BMP5: variants seen among roughly 807,000 people sequenced by gnomAD.
The protein encoded by BMP5 is bone morphogenetic protein 5.
In BMP5, 23 loss-of-function variants were observed where a neutral mutation model predicts 46.6. That is an observed-to-expected ratio of 0.49 (90% confidence interval 0.35 to 0.70). The LOEUF (loss-of-function observed/expected upper bound fraction) is 0.70, where lower values mean the gene tolerates loss of function less well. Among genes scored for constraint, BMP5 ranks in the 30% least tolerant of loss-of-function variants. The probability of loss-of-function intolerance (pLI) is 0.00; values close to 1 mark genes in which losing one functional copy is unlikely to be tolerated. For missense variants in BMP5, 545 were observed against 565.6 expected, an observed-to-expected ratio of 0.96 and a Z score of 0.37; for synonymous variants, 204 against 191.9, an observed-to-expected ratio of 1.06 and a Z score of -0.52.
Position 55,819,600 on chromosome 6 carries a change from T to A in BMP5, c.683+55A>T. ...GATCACATGAGTTATCAATGGCTTT[T>A]ACTAAAATTTTACATATATTTGCCA... On this transcript the variant is annotated intron_variant, in intron 2 of 6. Coordinates refer to ENST00000370830, the MANE Select transcript of BMP5 (RefSeq NM_021073.4). The A allele has an allele frequency of 3.5e-6, 5 of 1,428,744 alleles. No homozygotes were observed. The South Asian group carries it at 5.9e-5, about 17-fold the overall frequency. The allele number at this position is 1,428,744 out of a possible 1,614,324, so 88.5% of individuals were successfully genotyped here. A position where few individuals can be genotyped will look rare whatever the true frequency, so the allele number is the denominator to read the frequency against.
chr6:55,833,281 A>T (rs530330627), intron 1 of BMP5, among the ~76,000 whole-genome samples: 2 of 152,318 alleles, frequency 1.3e-5, no homozygotes, highest in African/African-American at 4.8e-5. Context: ...TTGCTCTTGT[A>T]TAGAAACAGC....
rs144468584 is a variant in BMP5, at chr6:55,756,712, G to A, written c.1216-1030C>T. On this transcript the variant is annotated intron_variant, in intron 6 of 6. Coordinates refer to ENST00000370830, the MANE Select transcript of BMP5 (RefSeq NM_021073.4). ...AACAGCAGGAAAAATGAGGTGATCT[G>A]ACATGAACTTGAAATTTCCTAAGGC... 5.3e-3 allele frequency among the ~76,000 whole-genome samples: 802 copies of A among 152,004 alleles called. 6 individuals are homozygous for A. Among genetic ancestry groups the A allele is most frequent in the African/African-American group, 0.018 (765 of 41,500 alleles).
chr6:55,847,392 A>G (rs1036837595), intron 1 of BMP5, among the ~76,000 whole-genome samples: 2 of 151,948 alleles, frequency 1.3e-5, no homozygotes, highest in African/African-American at 4.8e-5. Context: ...CACTGTCTTG[A>G]AAACATCAAT....
chr6:55,852,859 C>T (rs1408185239), intron 1 of BMP5, among the ~76,000 whole-genome samples: 3 of 152,030 alleles, frequency 2.0e-5, no homozygotes, highest in East Asian at 1.9e-4. Context: ...TGGCCAGGCG[C>T]GGAGGCTCAC....
intron 2 of BMP5, among the ~76,000 whole-genome samples, chr6:55,818,033 C>T (rs1361711419): frequency 6.6e-6 from 1 of 152,050 alleles, no homozygotes; most frequent in Non-Finnish European, 1.5e-5. Context: ...TGAATGGCAC[C>T]CCCAGACTAA....
rs530469111 is a variant in BMP5, at chr6:55,796,731, A to G, written c.684-2304T>C. Among the ~76,000 whole-genome samples the G allele has an allele frequency of 8.5e-4, 118 of 138,124 alleles. 1 individual carries two copies. Among genetic ancestry groups the G allele is most frequent in the Admixed American group, 2.0e-3 (24 of 11,722 alleles). 90.6% of individuals were successfully genotyped at this position (138,124 alleles called of 152,430 possible). ...TGTTCTCATTGTTCAATTCTCACCT[A>G]TGAGTGAGAATATGCGGTGTTTGGT... On this transcript the variant is annotated intron_variant, in intron 2 of 6. Transcript: ENST00000370830.
intron 4 of BMP5, among the ~76,000 whole-genome samples, chr6:55,762,239 A>C (rs1236123348): frequency 6.6e-6 from 1 of 152,128 alleles, no homozygotes; most frequent in Non-Finnish European, 1.5e-5. Flanking sequence ...AAAATATTAA[A>C]GAAATAAAAT....
At chr6:55,765,529 A>G (rs1195964561) in intron 4 of BMP5, among the ~76,000 whole-genome samples, 1 of 152,186 alleles carries the variant, frequency 6.6e-6, no homozygotes, top group Non-Finnish European at 1.5e-5. Context: ...AGAGTTGAAA[A>G]AGCAGGAATG....
chr6:55,800,546 G>A (rs767943979), intron 2 of BMP5, among the ~76,000 whole-genome samples: 5 of 152,262 alleles, frequency 3.3e-5, no homozygotes, highest in Non-Finnish European at 5.9e-5. Context: ...TATAAGGGAT[G>A]TGAACAGGCC....
At chr6:55,834,863 C>T (rs149090119) in intron 1 of BMP5, among the ~76,000 whole-genome samples, 2,723 of 152,158 alleles carry the variant, frequency 0.018, 88 homozygotes, top group African/African-American at 0.061. Flanking sequence ...GGTGGACCAC[C>T]TGAGGTCAGA....
chr6:55,865,572 G>T, intron 1 of BMP5, among the ~76,000 whole-genome samples: 1 of 152,148 alleles, frequency 6.6e-6, no homozygotes, highest in East Asian at 1.9e-4. Flanking sequence ...CCAGCTTGAA[G>T]AAAGAGTCAA....
At chr6:55,852,417 C>T (rs1009469747) in intron 1 of BMP5, among the ~76,000 whole-genome samples, 12 of 152,028 alleles carry the variant, frequency 7.9e-5, no homozygotes, top group African/African-American at 2.9e-4. Flanking sequence ...CTTATTTATA[C>T]AAGTTTTTAT....
intron 1 of BMP5, among the ~76,000 whole-genome samples, chr6:55,868,911 A>C (rs1422243170): frequency 6.6e-6 from 1 of 152,236 alleles, no homozygotes; most frequent in East Asian, 1.9e-4. Flanking sequence ...TTATTTTAAG[A>C]GATGAGCAAA....
At chr6:55,765,233 A>AT (rs1427995751) in intron 4 of BMP5, among the ~76,000 whole-genome samples, 1 of 151,956 alleles carries the variant, frequency 6.6e-6, no homozygotes, top group African/African-American at 2.4e-5. Flanking sequence ...TTCATATACC[A>AT]TTTTTTTTCT....
At chr6:55,794,551 G>A in intron 2 of BMP5, 124 bp from the exon 3 acceptor site, 1 of 929,290 alleles carries the variant, frequency 1.1e-6, no homozygotes, top group Non-Finnish European at 1.7e-6. Flanking sequence ...AAGAACAAGA[G>A]GAACAAGTGA....
chr6:55,783,704 T>C (rs1280431877), intron 3 of BMP5, among the ~76,000 whole-genome samples: 2 of 151,966 alleles, frequency 1.3e-5, no homozygotes, highest in Non-Finnish European at 2.9e-5. Flanking sequence ...CATGAAAATA[T>C]TTACCCCACA....
chr6:55,776,711 T>C (rs1190968614), intron 3 of BMP5, among the ~76,000 whole-genome samples: 2 of 151,972 alleles, frequency 1.3e-5, no homozygotes, highest in Admixed American at 6.6e-5. Flanking sequence ...TGTTCATAAA[T>C]GGAATACAAT....
intron 1 of BMP5, among the ~76,000 whole-genome samples, chr6:55,857,308 T>C (rs1257394738): frequency 5.3e-5 from 8 of 152,202 alleles, no homozygotes; most frequent in Non-Finnish European, 1.2e-4. Flanking sequence ...ACTCAAAAAG[T>C]TATTATGTAT....
At chr6:55,762,532 G>T (rs1364896463) in intron 4 of BMP5, among the ~76,000 whole-genome samples, 2 of 152,128 alleles carry the variant, frequency 1.3e-5, no homozygotes, top group African/African-American at 2.4e-5. Flanking sequence ...GGGAAATGGG[G>T]GAGAGAGGAT....
Sources: allele counts gnomAD v4.1 joint callset (sites outside exome capture counted in the v4.1 genomes callset), GRCh38; gene constraint gnomAD v4.1.1; transcripts MANE v1.5; gene names NCBI Gene and HGNC (gene_info 2026-07-23, HGNC 2026-07-21).